LHFPL3: variants seen among roughly 807,000 people sequenced by gnomAD.
The protein encoded by LHFPL3 is LHFPL tetraspan subfamily member 3.
Under a neutral mutation model 19.3 loss-of-function variants are expected in LHFPL3, and 5 were observed. The observed-to-expected ratio is 0.26, with a 90% confidence interval of 0.14 to 0.54. The LOEUF (loss-of-function observed/expected upper bound fraction) is 0.54. Among genes scored for constraint, LHFPL3 ranks in the 20% least tolerant of loss-of-function variants. The pLI is 0.94. For synonymous variants in LHFPL3, 133 were observed against 126.2 expected (o/e 1.05, Z -0.36); for missense variants, 249 against 307.4 (o/e 0.81, Z 1.42).
intron 1 of LHFPL3, among the ~76,000 whole-genome samples, chr7:104,337,729 C>T (rs2116358687): frequency 6.6e-6 from 1 of 152,274 alleles, no homozygotes; most frequent in Non-Finnish European, 1.5e-5. Context: ...TGGGTAAATA[C>T]ATTTACAGAA....
At chr7:104,421,798 AC>A (rs1791737889) in intron 1 of LHFPL3, among the ~76,000 whole-genome samples, 1 of 152,162 alleles carries the variant, frequency 6.6e-6, no homozygotes, top group South Asian at 2.1e-4. Context: ...GTTTGTATCC[AC>A]CCCAAATTCA....
intron 2 of LHFPL3, among the ~76,000 whole-genome samples, chr7:104,814,524 A>T (rs904238540): frequency 2.6e-5 from 4 of 152,170 alleles, no homozygotes; most frequent in African/African-American, 9.6e-5. Flanking sequence ...ACTCAGGTCC[A>T]CGGAACTGGC....
intron 2 of LHFPL3, among the ~76,000 whole-genome samples, chr7:104,877,912 C>A (rs917508857): frequency 2.0e-5 from 3 of 151,888 alleles, no homozygotes; most frequent in Non-Finnish European, 4.4e-5. Context: ...CAGCTCACTG[C>A]AACCTCCATC....
At chr7:104,566,516 A>C (rs1790128776) in intron 1 of LHFPL3, among the ~76,000 whole-genome samples, 2 of 152,206 alleles carry the variant, frequency 1.3e-5, no homozygotes, top group African/African-American at 2.4e-5. Flanking sequence ...TTTTAATATT[A>C]AAGAGGAAAA....
chr7:104,375,857 C>G (rs554308889), intron 1 of LHFPL3, among the ~76,000 whole-genome samples: 1 of 152,300 alleles, frequency 6.6e-6, no homozygotes, highest in Non-Finnish European at 1.5e-5. Context: ...GTCTTTCTTA[C>G]CTATTAATGT....
intron 1 of LHFPL3, among the ~76,000 whole-genome samples, chr7:104,432,270 G>T (rs1185605248): frequency 6.6e-6 from 1 of 151,968 alleles, no homozygotes; most frequent in African/African-American, 2.4e-5. Flanking sequence ...GTTTCTTCAG[G>T]GTTGATTTTG....
chr7:104,840,308 CTTTTTTTT>C (rs67980957), intron 2 of LHFPL3, among the ~76,000 whole-genome samples: 1 of 118,376 alleles, frequency 8.4e-6, no homozygotes, highest in Non-Finnish European at 1.6e-5. Context: ...TGTGGGTTTT[CTTTTTTTT>C]TTTTTTTTTC....
rs548653910 is a variant in LHFPL3 at position 104,903,662 on chromosome 7, C to T, written c.683-2525C>T. The stretch of plus-strand genomic sequence containing the variant: ...TGTATTTTTAGTAGAGATGGGTTTT[C>T]GCCATATTGACCAGGCTGGTCTCGA... On this transcript the variant is annotated intron_variant, in intron 2 of 2. Transcript: ENST00000424859. Among the ~76,000 whole-genome samples the T allele has an allele frequency of 4.6e-5, 7 of 152,056 alleles. No homozygotes were observed. The South Asian group carries it at 8.3e-4, about 18-fold the overall frequency.
At chr7:104,471,930 C>A (rs1792914839) in intron 1 of LHFPL3, among the ~76,000 whole-genome samples, 1 of 152,142 alleles carries the variant, frequency 6.6e-6, no homozygotes, top group South Asian at 2.1e-4. Context: ...GTAAACCCAG[C>A]ACTTCAGGAG....
chr7:104,828,990 G>A (rs1408192010), intron 2 of LHFPL3, among the ~76,000 whole-genome samples: 14 of 151,480 alleles, frequency 9.2e-5, no homozygotes, highest in South Asian at 4.2e-4. Context: ...AGCCAAGATC[G>A]TACCGCTGCC....
chr7:104,871,040 C>T (rs1791825544), intron 2 of LHFPL3, among the ~76,000 whole-genome samples: 1 of 152,140 alleles, frequency 6.6e-6, no homozygotes, highest in Admixed American at 6.5e-5. Context: ...ACCTAACTGA[C>T]CTAGTTTCGC....
intron 1 of LHFPL3, among the ~76,000 whole-genome samples, chr7:104,616,575 T>C (rs1284118205): frequency 6.6e-6 from 1 of 152,124 alleles, no homozygotes; most frequent in Non-Finnish European, 1.5e-5. Flanking sequence ...GACATAGGCA[T>C]GGGAAAGACT....
chr7:104,414,256 T>G (rs573114556), intron 1 of LHFPL3, among the ~76,000 whole-genome samples: 1 of 152,192 alleles, frequency 6.6e-6, no homozygotes, highest in Admixed American at 6.5e-5. Flanking sequence ...AGAAATGTGC[T>G]CTTAATTAGA....
intron 1 of LHFPL3, among the ~76,000 whole-genome samples, chr7:104,381,401 C>A (rs1211637368): frequency 6.6e-6 from 1 of 152,196 alleles, no homozygotes; most frequent in Non-Finnish European, 1.5e-5. Context: ...CTATTCACTA[C>A]ATAAAGATCC....
intron 1 of LHFPL3, among the ~76,000 whole-genome samples, chr7:104,591,989 C>A (rs1790735012): frequency 6.6e-6 from 1 of 152,158 alleles, no homozygotes; most frequent in Admixed American, 6.5e-5. Context: ...GTCTTCTCTA[C>A]ACTGTTTATT....
At position 104,411,019 on chromosome 7, in the gene LHFPL3, G is replaced by T. The variant is rs185856659; in HGVS notation, c.445+81795G>T. Among the ~76,000 whole-genome samples, 158 of 152,254 alleles carry T rather than the reference G, an allele frequency of 1.0e-3. 1 individual carries two copies. The highest frequency in any genetic ancestry group is 1.4e-3 in the East Asian group (7 of 5,182). ...GGAAACACCTCATCCTATGATTTAAGCACCATGGAATATAGAAAGCACATT... is the reference window on the plus strand; with the variant it reads ...GGAAACACCTCATCCTATGATTTAATCACCATGGAATATAGAAAGCACATT... On this transcript the variant is annotated intron_variant, in intron 1 of 2. Transcript: ENST00000424859.
Position 104,417,410 on chromosome 7 carries a change from C to T in LHFPL3, c.445+88186C>T, listed in dbSNP as rs576788473. ...GATTTTTAAAAGTTTCTTTGTAACT[C>T]AATTGATAAAATAGGCATAAAATGG... On this transcript the variant is annotated intron_variant, in intron 1 of 2. Coordinates refer to ENST00000424859, the MANE Select transcript of LHFPL3 (RefSeq NM_199000.3). 3.0e-4 allele frequency among the ~76,000 whole-genome samples: 45 copies of T among 152,200 alleles called. 1 individual carries two copies. The highest frequency in any genetic ancestry group is 1.1e-3 in the African/African-American group (44 of 41,528).
chr7:104,800,484 AT>A (rs2116473083), intron 2 of LHFPL3, among the ~76,000 whole-genome samples: 1 of 152,122 alleles, frequency 6.6e-6, no homozygotes, highest in South Asian at 2.1e-4. Context: ...AAACTTATCC[AT>A]TCCCATTGTC....
chr7:104,534,316 A>G (rs778989537), intron 1 of LHFPL3, among the ~76,000 whole-genome samples: 2 of 152,196 alleles, frequency 1.3e-5, no homozygotes, highest in Non-Finnish European at 2.9e-5. Context: ...AGTGTGTTTG[A>G]GACAGGGCTA....
Sources: gnomAD v4.1 joint callset for allele counts (sites outside exome capture counted in the v4.1 genomes callset) on GRCh38, gnomAD v4.1.1 for gene constraint, MANE v1.5 for transcripts, NCBI Gene and HGNC (gene_info 2026-07-23, HGNC 2026-07-21) for gene names.